SNX29: variants seen among roughly 807,000 people sequenced by gnomAD.
SNX29 encodes the protein sorting nexin-29.
In SNX29, 78 loss-of-function variants were observed where a neutral mutation model predicts 102.1. That is an observed-to-expected ratio of 0.76 (90% CI 0.64 to 0.92). The LOEUF (loss-of-function observed/expected upper bound fraction) is 0.92. Ranked by LOEUF, SNX29 falls within the 40% of genes least tolerant of loss-of-function variation. The pLI is 0.00. For synonymous variants in SNX29, 580 were observed against 414.5 expected (o/e 1.40, Z -4.85); for missense variants, 1,280 against 1,061.7 (o/e 1.21, Z -2.86).
chr16:12,431,158 A>G (rs767260091), intron 18 of SNX29, among the ~76,000 whole-genome samples: 4 of 152,004 alleles, frequency 2.6e-5, no homozygotes, highest in South Asian at 2.1e-4. Context: ...GGCCTGAAGC[A>G]GTCTTAAATG....
At chr16:12,441,263 T>A (rs913164976) in intron 18 of SNX29, among the ~76,000 whole-genome samples, 11 of 152,096 alleles carry the variant, frequency 7.2e-5, no homozygotes, top group African/African-American at 2.4e-4. Context: ...GATTTTTTTT[T>A]ATTTTTGGTA....
At chr16:12,127,648 C>G (rs2054276803) in intron 12 of SNX29, among the ~76,000 whole-genome samples, 1 of 152,096 alleles carries the variant, frequency 6.6e-6, no homozygotes, top group Non-Finnish European at 1.5e-5. Flanking sequence ...TCTTGAACTT[C>G]TGAGCTTCAG....
chr16:12,441,835 C>G (rs2085820894), intron 18 of SNX29, among the ~76,000 whole-genome samples: 1 of 152,180 alleles, frequency 6.6e-6, no homozygotes, highest in Non-Finnish European at 1.5e-5. Flanking sequence ...GTCACCCAGG[C>G]TGGCGTGCAG....
At chr16:12,130,229 C>A (rs1251916511) in intron 13 of SNX29, among the ~76,000 whole-genome samples, 1 of 149,132 alleles carries the variant, frequency 6.7e-6, no homozygotes, top group South Asian at 2.1e-4. Flanking sequence ...GTAATCCCAA[C>A]ACTTTGGGAG....
Position 12,573,945 on chromosome 16 carries a change from A to T in SNX29, c.*5316A>T, listed in dbSNP as rs546590816. On this transcript the variant is annotated 3_prime_UTR_variant, in exon 21 of 21. Transcript: ENST00000566228. ...TCTTAGAGAAGCGAGTCTTTTTTGA[A>T]TGGAGGAGCGATGGTAACCCCACTA... 12 of 199,874 alleles carry T rather than the reference A, an allele frequency of 6.0e-5. No individual in the cohort carries two copies. Among genetic ancestry groups the T allele is most frequent in the African/African-American group, 2.5e-4 (11 of 43,602 alleles). 12.4% of individuals were successfully genotyped at this position (199,874 alleles called of 1,614,324 possible). A position where few individuals can be genotyped will look rare whatever the true frequency, so the allele number is the denominator to read the frequency against.
At chr16:12,565,859 C>T (rs2078981625) in intron 20 of SNX29, among the ~76,000 whole-genome samples, 1 of 152,232 alleles carries the variant, frequency 6.6e-6, no homozygotes, top group African/African-American at 2.4e-5. Context: ...GGGAAGCCCT[C>T]TGTGCCCTGC....
At chr16:12,262,030 G>C (rs998297010) in intron 14 of SNX29, among the ~76,000 whole-genome samples, 1 of 145,930 alleles carries the variant, frequency 6.9e-6, no homozygotes, top group African/African-American at 2.6e-5. Flanking sequence ...GCTCGGGTCT[G>C]TGTGCACGTC....
At chr16:12,528,623 C>T (rs559624136) in intron 20 of SNX29, among the ~76,000 whole-genome samples, 1 of 152,294 alleles carries the variant, frequency 6.6e-6, no homozygotes, top group East Asian at 1.9e-4. Flanking sequence ...AGCCAGCATC[C>T]CCTCCATGCT....
At chr16:12,538,354 T>G (rs975039750) in intron 20 of SNX29, among the ~76,000 whole-genome samples, 4 of 152,214 alleles carry the variant, frequency 2.6e-5, no homozygotes, top group African/African-American at 9.6e-5. Flanking sequence ...TCTTCCAAAG[T>G]GCTGACATTA....
chr16:12,483,114 G>GGTTTT (rs1555549921), intron 19 of SNX29, among the ~76,000 whole-genome samples: 8 of 66,194 alleles, frequency 1.2e-4, no homozygotes, highest in Admixed American at 2.1e-4. Flanking sequence ...AAGTTATTAA[G>GGTTTT]TTTTTTTTTT....
At chr16:12,545,932 TTATG>T (rs1366199703) in intron 20 of SNX29, among the ~76,000 whole-genome samples, 1 of 152,018 alleles carries the variant, frequency 6.6e-6, no homozygotes, top group African/African-American at 2.4e-5. Flanking sequence ...CTATTAATAT[TTATG>T]TATTATCCTG....
rs2054379515 is a variant in SNX29 at position 12,129,855 on chromosome 16, A to C, written c.1595+97A>C. 6 of 1,415,986 alleles carry C rather than the reference A, an allele frequency of 4.2e-6. No homozygotes were observed. In the East Asian group the frequency reaches 1.6e-4, roughly 37 times the overall value. 87.7% of individuals were successfully genotyped at this position (1,415,986 alleles called of 1,614,324 possible). The stretch of plus-strand genomic sequence containing the variant: ...CACGGTGGCTCATGCCTGTAATCCC[A>C]GCACTTTGGGAGGCCAAGGCGGGTG... On this transcript the variant is annotated intron_variant, in intron 13 of 20. Transcript: ENST00000566228.
chr16:12,087,964 GTC>G (rs776711770), intron 11 of SNX29: 1 of 456,748 alleles, frequency 2.2e-6, no homozygotes, highest in Non-Finnish European at 4.4e-6. Context: ...TGGGCAGTGG[GTC>G]CTCATGGCTA....
chr16:12,341,848 C>G (rs1567457003), intron 15 of SNX29, among the ~76,000 whole-genome samples: 2 of 152,240 alleles, frequency 1.3e-5, no homozygotes, highest in Admixed American at 1.3e-4. Context: ...GCACCAGTAT[C>G]TCTGCCACAA....
At chr16:12,428,236 A>C (rs1329091260) in intron 18 of SNX29, among the ~76,000 whole-genome samples, 1 of 152,212 alleles carries the variant, frequency 6.6e-6, no homozygotes, top group Non-Finnish European at 1.5e-5. Flanking sequence ...TTTGGACTGC[A>C]AATAAGTTTA....
intron 13 of SNX29, among the ~76,000 whole-genome samples, chr16:12,144,549 A>C (rs552297245): frequency 3.3e-5 from 5 of 152,250 alleles, no homozygotes; most frequent in Admixed American, 1.3e-4. Flanking sequence ...TTTTTCCGTT[A>C]CTGCCTTCTG....
At chr16:12,340,890 T>G (rs1052438868) in intron 15 of SNX29, among the ~76,000 whole-genome samples, 36 of 152,154 alleles carry the variant, frequency 2.4e-4, no homozygotes, top group Non-Finnish European at 5.1e-4. Flanking sequence ...TTCCATCCAC[T>G]AAAGGGGCCC....
intron 20 of SNX29, among the ~76,000 whole-genome samples, chr16:12,546,866 A>C (rs1349427210): frequency 6.6e-6 from 1 of 152,244 alleles, no homozygotes; most frequent in African/African-American, 2.4e-5. Flanking sequence ...CAGTAAGATC[A>C]GGCTGGTTTG....
At chr16:12,100,445 C>G (rs1319184979) in intron 11 of SNX29, among the ~76,000 whole-genome samples, 1 of 152,102 alleles carries the variant, frequency 6.6e-6, no homozygotes, top group African/African-American at 2.4e-5. Flanking sequence ...TCTAGGAATC[C>G]ATAAGCAGAA....
Sources: gnomAD v4.1 joint callset for allele counts (sites outside exome capture counted in the v4.1 genomes callset) on GRCh38, gnomAD v4.1.1 for gene constraint, MANE v1.5 for transcripts, NCBI Gene and HGNC (gene_info 2026-07-23, HGNC 2026-07-21) for gene names.